Variants in GRM7 observed in about 807,000 individuals in gnomAD.
GRM7 encodes the protein glutamate metabotropic receptor 7, also known as metabotropic glutamate receptor 7.
GRM7 carries 35 observed loss-of-function variants against 84.5 expected under a neutral mutation model. That is an observed-to-expected ratio of 0.41 (90% confidence interval 0.32 to 0.55). The LOEUF is 0.55. GRM7 is among the 20% of genes least tolerant of loss of function. The pLI, the probability that GRM7 is intolerant of heterozygous loss-of-function variation, is 0.19. For missense variants in GRM7, 1,003 were observed against 1,194.6 expected, an observed-to-expected ratio of 0.84 and a Z score of 2.36; for synonymous variants, 487 against 455.1, an observed-to-expected ratio of 1.07 and a Z score of -0.89.
chr3:6,968,256 A>G (rs986843131), intron 1 of GRM7, among the ~76,000 whole-genome samples: 6 of 151,868 alleles, frequency 4.0e-5, no homozygotes, highest in Non-Finnish European at 7.4e-5. Context: ...GTTTCTTCAC[A>G]TCATCTTTCC....
At chr3:7,456,353 A>C (rs116280294) in intron 6 of GRM7, among the ~76,000 whole-genome samples, 78 of 152,194 alleles carry the variant, frequency 5.1e-4, no homozygotes, top group African/African-American at 1.8e-3. Context: ...TATGTTTATT[A>C]AGTGGTTATT....
chr3:6,984,569 G>T (rs1694330424), intron 1 of GRM7, among the ~76,000 whole-genome samples: 1 of 151,962 alleles, frequency 6.6e-6, no homozygotes, highest in African/African-American at 2.4e-5. Context: ...TTTTTATTAT[G>T]AATCACCTTT....
intron 4 of GRM7, among the ~76,000 whole-genome samples, chr3:7,368,458 A>G (rs1693999571): frequency 6.6e-6 from 1 of 152,104 alleles, no homozygotes; most frequent in Admixed American, 6.6e-5. Flanking sequence ...ACATAATTTC[A>G]TTGATGGTAA....
chr3:6,953,563 C>T (rs1692886986), intron 1 of GRM7, among the ~76,000 whole-genome samples: 1 of 152,222 alleles, frequency 6.6e-6, no homozygotes, highest in South Asian at 2.1e-4. Flanking sequence ...TTCATCCACT[C>T]ACGCTCTTAA....
At chr3:7,367,822 G>A (rs1230199970) in intron 4 of GRM7, among the ~76,000 whole-genome samples, 2 of 151,372 alleles carry the variant, frequency 1.3e-5, no homozygotes, top group Non-Finnish European at 3.0e-5. Flanking sequence ...CCATCTAGAC[G>A]GGGTCCTGTG....
At chr3:7,614,809 C>A (rs1013523653) in intron 8 of GRM7, among the ~76,000 whole-genome samples, 33 of 152,184 alleles carry the variant, frequency 2.2e-4, no homozygotes, top group African/African-American at 7.5e-4. Flanking sequence ...ATTTAGTCAA[C>A]CCCCTTCCTT....
Position 7,348,725 on chromosome 3 carries a change from A to G in GRM7, c.1033+42073A>G, listed in dbSNP as rs574773315. 4.1e-4 allele frequency among the ~76,000 whole-genome samples: 62 copies of G among 152,202 alleles called. 1 individual carries two copies. Among genetic ancestry groups the G allele is most frequent in the African/African-American group, 1.4e-3 (59 of 41,548 alleles). ...ACTTATCAGATCAGAGATGCAAATT[A>G]TGAGGCTACATCTCAGATCTACTGA... is the stretch of plus-strand genomic sequence containing the variant. On this transcript the variant is annotated intron_variant, in intron 4 of 9. Transcript: ENST00000357716.
intron 7 of GRM7, among the ~76,000 whole-genome samples, chr3:7,564,831 C>A (rs1356301334): frequency 1.3e-5 from 2 of 152,102 alleles, no homozygotes; most frequent in African/African-American, 2.4e-5. Context: ...GCTTTGAACC[C>A]AGGACAGCCT....
chr3:6,930,155 T>G (rs1263804827), intron 1 of GRM7, among the ~76,000 whole-genome samples: 1 of 152,222 alleles, frequency 6.6e-6, no homozygotes, highest in African/African-American at 2.4e-5. Context: ...TTCTCTGAAC[T>G]GCAGTTGCCT....
intron 9 of GRM7, among the ~76,000 whole-genome samples, chr3:7,697,975 T>TTAAG (rs1701082580): frequency 6.6e-6 from 1 of 152,210 alleles, no homozygotes; most frequent in African/African-American, 2.4e-5. Context: ...AAAGGTTATA[T>TTAAG]TAAGTCTGAA....
intron 2 of GRM7, among the ~76,000 whole-genome samples, chr3:7,277,791 A>G (rs1699125839): frequency 6.6e-6 from 1 of 152,156 alleles, no homozygotes; most frequent in Non-Finnish European, 1.5e-5. Context: ...TAAAGTGAAG[A>G]CAAAGGAAAA....
At chr3:7,161,291 A>G (rs1016897979) in intron 2 of GRM7, among the ~76,000 whole-genome samples, 5 of 152,006 alleles carry the variant, frequency 3.3e-5, no homozygotes, top group African/African-American at 1.2e-4. Context: ...GTATAAACAA[A>G]TTGGGGCCAT....
intron 1 of GRM7, among the ~76,000 whole-genome samples, chr3:7,035,490 C>A (rs1008640485): frequency 6.6e-6 from 1 of 152,204 alleles, no homozygotes; most frequent in African/African-American, 2.4e-5. Context: ...ATTTCAAGGC[C>A]TATACAAAGA....
At position 7,669,041 on chromosome 3, in the gene GRM7, C is replaced by A. The variant is rs575256566; in HGVS notation, c.2452-11008C>A. The stretch of plus-strand genomic sequence containing the variant: ...AAAATGTTGGAGATGACACAGTTAG[C>A]AAGTGGCATAAGCCCGCATCCAAAT... On this transcript the variant is annotated intron_variant, in intron 8 of 9. Coordinates refer to ENST00000357716, the MANE Select transcript of GRM7 (RefSeq NM_000844.4). Among the ~76,000 whole-genome samples the A allele has an allele frequency of 2.0e-5, 3 of 152,330 alleles. No individual in the cohort carries two copies. The South Asian group carries it at 6.2e-4, about 32-fold the overall frequency.
intron 7 of GRM7, among the ~76,000 whole-genome samples, chr3:7,524,912 A>G (rs1285483859): frequency 8.3e-6 from 1 of 120,048 alleles, no homozygotes; most frequent in Non-Finnish European, 1.7e-5. Flanking sequence ...TGGCACATAT[A>G]TACCATAGAA....
intron 8 of GRM7, among the ~76,000 whole-genome samples, chr3:7,593,126 T>C (rs1158417944): frequency 6.6e-6 from 1 of 152,234 alleles, no homozygotes; most frequent in East Asian, 1.9e-4. Context: ...TACTTCTGCA[T>C]TTAAAATACT....
chr3:7,570,161 G>T (rs1273652511), intron 7 of GRM7, among the ~76,000 whole-genome samples: 1 of 152,072 alleles, frequency 6.6e-6, no homozygotes, highest in Non-Finnish European at 1.5e-5. Flanking sequence ...AATGAGATTT[G>T]GGTGGGGATA....
At chr3:7,014,854 C>G (rs1695503222) in intron 1 of GRM7, among the ~76,000 whole-genome samples, 2 of 152,096 alleles carry the variant, frequency 1.3e-5, no homozygotes, top group African/African-American at 4.8e-5. Flanking sequence ...ACTTGGAGAA[C>G]TTTTCTGTCT....
chr3:7,323,335 T>C (rs192838350), intron 4 of GRM7, among the ~76,000 whole-genome samples: 130 of 152,266 alleles, frequency 8.5e-4, no homozygotes, highest in Non-Finnish European at 1.2e-3. Flanking sequence ...AGTCTTGACA[T>C]GTCCCAGGCT....
Sources: gnomAD v4.1 joint callset for allele counts (sites outside exome capture counted in the v4.1 genomes callset) on GRCh38, gnomAD v4.1.1 for gene constraint, MANE v1.5 for transcripts, NCBI Gene and HGNC (gene_info 2026-07-23, HGNC 2026-07-21) for gene names.